The following PCDHGB4 variants were observed in gnomAD, a reference collection of about 807,000 sequenced individuals.
PCDHGB4 encodes protocadherin gamma-B4.
In PCDHGB4, 38 loss-of-function variants were observed where a neutral mutation model predicts 60.5. That is an observed-to-expected ratio of 0.63 (90% CI 0.48 to 0.82). The LOEUF (loss-of-function observed/expected upper bound fraction) is 0.82, where lower values mean the gene tolerates loss of function less well. Among genes scored for constraint, PCDHGB4 ranks in the 40% least tolerant of loss-of-function variants. PCDHGB4 has a pLI of 0.00. For missense variants in PCDHGB4, 1,109 were observed against 1,209.6 expected (o/e 0.92, Z 1.23); for synonymous variants, 456 against 509.7 (o/e 0.89, Z 1.42).
chr5:141,485,561 G>A lies in PCDHGB4; in HGVS notation c.2398-9246G>A. 1.9e-6 allele frequency: 3 copies of A among 1,613,008 alleles called. No homozygotes were observed. The highest frequency in any genetic ancestry group is 1.1e-5 in the South Asian group (1 of 91,026). ...AGAGATCGTAGATGTGAATGATCACGCCCCCCGTTTTCCGCGGCAGCAGCT... is the reference window on the plus strand; with the variant it reads ...AGAGATCGTAGATGTGAATGATCACACCCCCCGTTTTCCGCGGCAGCAGCT... On this transcript the variant is annotated intron_variant, in intron 1 of 3. Transcript: ENST00000519479. The surrounding 1 kb of genome is among the most constrained non-coding windows in gnomAD (Gnocchi z 5.7).
At chr5:141,453,001 G>C (rs1225973632) in intron 1 of PCDHGB4, among the ~76,000 whole-genome samples, 3 of 152,168 alleles carry the variant, frequency 2.0e-5, no homozygotes, top group African/African-American at 7.2e-5. Flanking sequence ...AAAGTTACCT[G>C]TAGTATAGTT....
At chr5:141,499,115 C>T (rs940275925) in intron 2 of PCDHGB4, among the ~76,000 whole-genome samples, 16 of 152,124 alleles carry the variant, frequency 1.1e-4, no homozygotes, top group African/African-American at 3.9e-4. Context: ...CACCACTATC[C>T]CTTCTCAGGT....
chr5:141,438,319 T>C (rs934592523), intron 1 of PCDHGB4, among the ~76,000 whole-genome samples: 1 of 151,982 alleles, frequency 6.6e-6, no homozygotes, highest in African/African-American at 2.4e-5. Flanking sequence ...CACCATAATT[T>C]TTCTTATACA....
intron 1 of PCDHGB4, among the ~76,000 whole-genome samples, chr5:141,450,888 G>A (rs1038570371): frequency 6.9e-5 from 10 of 145,278 alleles, no homozygotes; most frequent in Admixed American, 4.1e-4. Context: ...GCAGTGGTGC[G>A]ATATCGGCTC....
rs1229317913 is a variant in PCDHGB4 at position 141,489,752 on chromosome 5, C to T, written c.2398-5055C>T. ...GGCACCAATACTGTGAGCTTTTACACTCTAAGCCCCAACAGCCACTTCTCT... is the reference window on the plus strand; with the variant it reads ...GGCACCAATACTGTGAGCTTTTACATTCTAAGCCCCAACAGCCACTTCTCT... On this transcript the variant is annotated intron_variant, in intron 1 of 3. Transcript: ENST00000519479. The surrounding 1 kb of genome is among the most constrained non-coding windows in gnomAD (Gnocchi z 4.5). 1.2e-6 allele frequency: 2 copies of T among 1,614,018 alleles called. No individual in the cohort carries two copies. Among genetic ancestry groups the T allele is most frequent in the Non-Finnish European group, 1.7e-6 (2 of 1,179,980 alleles).
rs1210499024 is a variant in PCDHGB4 at position 141,431,784 on chromosome 5, A to T, written c.2397+41503A>T. ...CTGATCACTGTTCTGGACGTGAACG[A>T]CAATGCCCCAGAAGTGGTCCTCACC... On this transcript the variant is annotated intron_variant, in intron 1 of 3. Transcript: ENST00000519479. This position sits in a 1 kb window ranked among gnomAD's most constrained non-coding sequence, Gnocchi z 4.8. The T allele has an allele frequency of 6.2e-7, 1 of 1,614,102 alleles. No homozygotes were observed. The highest frequency in any genetic ancestry group is 8.5e-7 in the Non-Finnish European group (1 of 1,180,030).
At chr5:141,499,356 C>A (rs1472104991) in intron 2 of PCDHGB4, among the ~76,000 whole-genome samples, 1 of 152,062 alleles carries the variant, frequency 6.6e-6, no homozygotes, top group Non-Finnish European at 1.5e-5. Context: ...ATTCAACAAA[C>A]AAATAGCAAC....
intron 1 of PCDHGB4, among the ~76,000 whole-genome samples, chr5:141,457,632 G>A (rs919693977): frequency 6.6e-6 from 1 of 152,142 alleles, no homozygotes; most frequent in African/African-American, 2.4e-5. Flanking sequence ...CTTATACTTG[G>A]CCTGATTATT....
At chr5:141,413,148 CTT>C (rs2095608671) in intron 1 of PCDHGB4, 2 of 1,570,414 alleles carry the variant, frequency 1.3e-6, no homozygotes, top group South Asian at 1.2e-5. Flanking sequence ...CCAGTGAGGA[CTT>C]TGCAGAATTC....
intron 1 of PCDHGB4, among the ~76,000 whole-genome samples, chr5:141,466,063 A>G (rs554503713): frequency 3.3e-5 from 5 of 152,268 alleles, no homozygotes; most frequent in Admixed American, 6.5e-5. Context: ...CGGAGCTTGC[A>G]GTGAGCTGAT....
intron 1 of PCDHGB4, among the ~76,000 whole-genome samples, chr5:141,402,239 T>A (rs1361940803): frequency 6.6e-6 from 1 of 152,066 alleles, no homozygotes; most frequent in African/African-American, 2.4e-5. Flanking sequence ...AGGAATTTTA[T>A]CATCAAAATA....
At chr5:141,427,824 G>A (rs1298494092) in intron 1 of PCDHGB4, 5 of 1,535,458 alleles carry the variant, frequency 3.3e-6, no homozygotes, top group African/African-American at 1.4e-5. Flanking sequence ...GGTGGTGGTC[G>A]CGCAGCGTGC....
At chr5:141,421,238 G>A (rs920128735) in intron 1 of PCDHGB4, 1 of 1,597,540 alleles carries the variant, frequency 6.3e-7, no homozygotes, top group African/African-American at 1.3e-5. Context: ...ATGGCGAATC[G>A]GCTACAGCGC....
rs182132552 is a variant in PCDHGB4 at position 141,435,146 on chromosome 5, T to A, written c.2397+44865T>A. Among the ~76,000 whole-genome samples the A allele has an allele frequency of 4.6e-3, 696 of 152,288 alleles. 5 individuals carry two copies. Among genetic ancestry groups the A allele is most frequent in the African/African-American group, 0.016 (677 of 41,554 alleles). ...ATGGAAAATATAAATAAAATTGTGA[T>A]AAACTTTTGTAAATAGAGTGGCTTT... On this transcript the variant is annotated intron_variant, in intron 1 of 3. Transcript: ENST00000519479.
At chr5:141,418,405 G>T in intron 1 of PCDHGB4, 1 of 1,614,020 alleles carries the variant, frequency 6.2e-7, no homozygotes, top group African/African-American at 1.3e-5. Context: ...CATTGGTGGA[G>T]AAAGACAATC....
At chr5:141,393,285 G>A (rs771057124) in intron 1 of PCDHGB4, 2 of 1,613,966 alleles carry the variant, frequency 1.2e-6, no homozygotes, top group Non-Finnish European at 1.7e-6. Context: ...CCCAGAAGCT[G>A]TTGACCCGGA....
intron 1 of PCDHGB4, among the ~76,000 whole-genome samples, chr5:141,458,876 G>T (rs187470646): frequency 5.0e-4 from 76 of 152,248 alleles, no homozygotes; most frequent in African/African-American, 1.7e-3. Context: ...GGGACTACAG[G>T]CATGCACACC....
intron 1 of PCDHGB4, among the ~76,000 whole-genome samples, chr5:141,481,215 G>T (rs1238465869): frequency 6.6e-6 from 1 of 152,152 alleles, no homozygotes; most frequent in Non-Finnish European, 1.5e-5. Context: ...AACATGGTAA[G>T]GTCTCCCAGC....
chr5:141,430,643 T>G (rs1432236231), intron 1 of PCDHGB4: 16 of 946,950 alleles, frequency 1.7e-5, no homozygotes, highest in South Asian at 2.5e-5. Flanking sequence ...CCTGGGAGTA[T>G]GTGGAAACAA....
Sources: gnomAD v4.1 joint callset for allele counts (sites outside exome capture counted in the v4.1 genomes callset) on GRCh38, gnomAD v4.1.1 for gene constraint, Gnocchi (gnomAD v3.1) non-coding constraint, MANE v1.5 for transcripts, NCBI Gene and HGNC (gene_info 2026-07-23, HGNC 2026-07-21) for gene names.